The following DPYD variants were observed in gnomAD, a reference collection of about 807,000 sequenced individuals.
DPYD encodes dihydropyrimidine dehydrogenase [NADP(+)].
A neutral mutation model predicts 116.2 loss-of-function variants in DPYD; 109 were observed. The ratio of observed to expected loss-of-function variants is 0.94; its 90% CI spans 0.80 to 1.10. DPYD has a LOEUF of 1.10. Among genes scored for constraint, DPYD ranks in the 50% least tolerant of loss-of-function variants. The pLI, the probability that DPYD is intolerant of heterozygous loss-of-function variation, is 0.00. For missense variants in DPYD, 1,302 were observed against 1,254.5 expected (o/e 1.04, Z -0.57); for synonymous variants, 440 against 432.0 (o/e 1.02, Z -0.23).
At chr1:97,513,528 G>C (rs1011387769) in intron 13 of DPYD, among the ~76,000 whole-genome samples, 5 of 151,644 alleles carry the variant, frequency 3.3e-5, no homozygotes, top group Admixed American at 2.0e-4. Context: ...GTCATATTAA[G>C]AGCATCCAAA....
chr1:97,084,771 C>A (rs1186038663), intron 21 of DPYD, among the ~76,000 whole-genome samples: 1 of 152,162 alleles, frequency 6.6e-6, no homozygotes, highest in Admixed American at 6.5e-5. Flanking sequence ...CTGTATTTAG[C>A]AAATTCTAAT....
At chr1:97,751,758 T>G (rs1356771678) in intron 3 of DPYD, among the ~76,000 whole-genome samples, 1 of 112,612 alleles carries the variant, frequency 8.9e-6, no homozygotes, top group Non-Finnish European at 1.8e-5. Flanking sequence ...GACAGAACGC[T>G]GTCTCTAAAA....
intron 2 of DPYD, among the ~76,000 whole-genome samples, chr1:97,849,841 A>T (rs1286654296): frequency 6.6e-6 from 1 of 152,200 alleles, no homozygotes; most frequent in Non-Finnish European, 1.5e-5. Flanking sequence ...ATTCCTCAGC[A>T]GTGTTTGAAT....
chr1:97,699,480 T>G lies in DPYD; in HGVS notation c.551A>C (p.Glu184Ala), dbSNP rs1238735658. 2 of 1,613,506 alleles carry G rather than the reference T, an allele frequency of 1.2e-6. No individual in the cohort carries two copies. The highest frequency in any genetic ancestry group is 1.7e-6 in the Non-Finnish European group (2 of 1,179,668). Residue 184 changes from glutamate to alanine, a missense_variant, in exon 6 of 23, where the codon GAA becomes GCA. Physicochemically the swap from Glu to Ala is moderately radical, Grantham distance 107. Coordinates refer to ENST00000370192, the MANE Select transcript of DPYD (RefSeq NM_000110.4). ...PSLPPPEKMS[E>A]AYSAKIALFG... ...AAGAGCAATCTTTGCAGAATAGGCT[T>G]CAGACATTTTTTCTGGGGGAGGCAG... is the stretch of plus-strand genomic sequence containing the variant.
chr1:97,118,830 CTTGT>C (rs67677044), intron 20 of DPYD, among the ~76,000 whole-genome samples: 45,295 of 151,808 alleles, frequency 0.3, 7,085 homozygotes, highest in Middle Eastern at 0.42. Flanking sequence ...TTTCAAAAAA[CTTGT>C]TTGTTTGTCT....
chr1:97,456,994 T>C (rs1291279410), intron 13 of DPYD, among the ~76,000 whole-genome samples: 1 of 152,080 alleles, frequency 6.6e-6, no homozygotes, highest in South Asian at 2.1e-4. Context: ...TGTGTTAGTG[T>C]GTTGAAGACT....
chr1:97,297,451 GAGA>G (rs1666603136), intron 18 of DPYD, among the ~76,000 whole-genome samples: 1 of 152,194 alleles, frequency 6.6e-6, no homozygotes, highest in Non-Finnish European at 1.5e-5. Flanking sequence ...TTGTCTGTCA[GAGA>G]AGGTTTCAAG....
intron 13 of DPYD, among the ~76,000 whole-genome samples, chr1:97,509,753 A>G (rs1647633903): frequency 1.3e-5 from 2 of 151,948 alleles, no homozygotes; most frequent in Admixed American, 1.3e-4. Context: ...ATATTGCAGT[A>G]AGACAGTTTG....
intron 8 of DPYD, among the ~76,000 whole-genome samples, chr1:97,643,059 T>C: frequency 6.6e-6 from 1 of 151,890 alleles, no homozygotes; most frequent in African/African-American, 2.4e-5. Context: ...CCAAAAGCAA[T>C]GGCAACAAAA....
At chr1:97,491,443 T>C (rs74480548) in intron 13 of DPYD, among the ~76,000 whole-genome samples, 3,417 of 151,984 alleles carry the variant, frequency 0.022, 43 homozygotes, top group Non-Finnish European at 0.031. Flanking sequence ...TTTTTGTATA[T>C]ACTACGTAAC....
At chr1:97,795,823 A>T (rs1667543969) in intron 3 of DPYD, among the ~76,000 whole-genome samples, 1 of 151,988 alleles carries the variant, frequency 6.6e-6, no homozygotes, top group Admixed American at 6.6e-5. Flanking sequence ...TATAATGATA[A>T]CATCTCATTT....
chr1:97,841,208 G>C (rs751617809), intron 2 of DPYD, among the ~76,000 whole-genome samples: 15 of 152,004 alleles, frequency 9.9e-5, no homozygotes, highest in Non-Finnish European at 2.2e-4. Context: ...TATGTAGATT[G>C]CAAGGCTCAG....
chr1:97,450,068 A>G lies in DPYD; in HGVS notation c.1896T>C (p.Phe632=), dbSNP rs17376848. Residue 632 remains phenylalanine, a synonymous_variant, in exon 14 of 23, where the codon TTT becomes TTC. Transcript: ENST00000370192. Reference sequence around the variant, plus strand: ...GTTAAATCACACTTACGTTGTCTGGAAAGTCAGCCTTTAGTTCAGTGACAC... The same window carrying G: ...GTTAAATCACACTTACGTTGTCTGGGAAGTCAGCCTTTAGTTCAGTGACAC... ...CQSVTELKAD[F]PDNIVIASIM... 75,167 of 1,613,826 alleles carry G rather than the reference A, an allele frequency of 0.047. 2,196 individuals are homozygous for G. Among genetic ancestry groups the G allele is most frequent in the East Asian group, 0.13 (5,825 of 44,860 alleles).
intron 2 of DPYD, among the ~76,000 whole-genome samples, chr1:97,847,906 A>G (rs1397121338): frequency 6.6e-6 from 1 of 152,204 alleles, no homozygotes; most frequent in East Asian, 1.9e-4. Flanking sequence ...TCTCTATATC[A>G]AATGCCAGAA....
Position 97,395,180 on chromosome 1 carries a change from T to A in DPYD, c.1906-12719A>T, listed in dbSNP as rs187826873. 1.4e-4 allele frequency among the ~76,000 whole-genome samples: 21 copies of A among 150,248 alleles called. No homozygotes were observed. In the East Asian group the frequency reaches 3.5e-3, roughly 25 times the overall value. ...TTTGTTTATATATTTTATATATTTT[T>A]AAATTATATATTTTAATATATATTG... On this transcript the variant is annotated intron_variant, in intron 14 of 22. Transcript: ENST00000370192.
rs1265677406 is a variant in DPYD, at chr1:97,180,775, C to T, written c.2622+12294G>A. Among the ~76,000 whole-genome samples, 6 of 152,000 alleles carry T rather than the reference C, an allele frequency of 3.9e-5. No individual in the cohort carries two copies. The South Asian group carries it at 1.0e-3, about 26-fold the overall frequency. Reference sequence around the variant, plus strand: ...TATGAGGAATTATACTTAACCACTCCCATGAATGTGACAAAAGAAGTAACT... The same window carrying T: ...TATGAGGAATTATACTTAACCACTCTCATGAATGTGACAAAAGAAGTAACT... On this transcript the variant is annotated intron_variant, in intron 20 of 22. Transcript: ENST00000370192.
At chr1:97,234,569 C>G (rs11808108) in intron 19 of DPYD, among the ~76,000 whole-genome samples, 5 of 152,048 alleles carry the variant, frequency 3.3e-5, no homozygotes, top group Non-Finnish European at 1.5e-5. Flanking sequence ...TCCAGGAGGA[C>G]AGTACTCATT....
chr1:97,368,001 C>T (rs1200111310), intron 16 of DPYD, among the ~76,000 whole-genome samples: 1 of 152,046 alleles, frequency 6.6e-6, no homozygotes, highest in Admixed American at 6.6e-5. Flanking sequence ...AATATACACC[C>T]AGCTCATGAA....
At chr1:97,247,592 A>T (rs1308045675) in intron 18 of DPYD, among the ~76,000 whole-genome samples, 4 of 152,246 alleles carry the variant, frequency 2.6e-5, no homozygotes, top group African/African-American at 9.6e-5. Context: ...TATCTAATAC[A>T]GAACCAAATA....
Sources: gnomAD v4.1 joint callset for allele counts (sites outside exome capture counted in the v4.1 genomes callset) on GRCh38, gnomAD v4.1.1 for gene constraint, MANE v1.5 for transcripts, NCBI Gene and HGNC (gene_info 2026-07-23, HGNC 2026-07-21) for gene names.